ABCF2: variants seen among roughly 807,000 people sequenced by gnomAD.
ABCF2 encodes ATP-binding cassette sub-family F member 2.
Under a neutral mutation model 76.9 loss-of-function variants are expected in ABCF2, and 37 were observed. The observed-to-expected ratio is 0.48, with a 90% CI of 0.37 to 0.63. ABCF2 has a LOEUF of 0.63. Among genes scored for constraint, ABCF2 ranks in the 30% least tolerant of loss-of-function variants. ABCF2 has a pLI of 0.00. For missense variants in ABCF2, 524 were observed against 782.1 expected (o/e 0.67, Z 3.94); for synonymous variants, 299 against 283.7 (o/e 1.05, Z -0.54).
chr7:151,226,629 C>G, intron 1 of ABCF2, 129 bp from the exon 2 acceptor site: 1 of 687,778 alleles, frequency 1.5e-6, no homozygotes. Context: ...GCCCCCGCCT[C>G]GTCTGTTCCA....
chr7:151,219,735 T>C (rs1290785513), intron 7 of ABCF2, among the ~76,000 whole-genome samples: 4 of 152,244 alleles, frequency 2.6e-5, no homozygotes, highest in African/African-American at 9.6e-5. Context: ...GATTGATTTA[T>C]ATATACTCAC....
At chr7:151,216,555 C>T (rs796203997) in intron 11 of ABCF2, among the ~76,000 whole-genome samples, 5 of 152,304 alleles carry the variant, frequency 3.3e-5, no homozygotes, top group African/African-American at 1.2e-4. Context: ...GAGGGAGTCT[C>T]GCTCTGTTGC....
intron 10 of ABCF2, among the ~76,000 whole-genome samples, 168 bp downstream of exon 10, chr7:151,218,393 G>A: frequency 6.6e-6 from 1 of 152,080 alleles, no homozygotes; most frequent in South Asian, 2.1e-4. Context: ...TATACACGAA[G>A]AAAGGCCCGC....
intron 7 of ABCF2, among the ~76,000 whole-genome samples, chr7:151,220,524 G>A (rs1198078707): frequency 6.6e-6 from 1 of 152,062 alleles, no homozygotes; most frequent in Non-Finnish European, 1.5e-5. Context: ...CTATGACTAT[G>A]AATGAAGAGG....
At position 151,214,034 on chromosome 7, in the gene ABCF2, C is replaced by T. The variant is rs752000658; in HGVS notation, c.*20G>A. ...GTTAGTTCCCAGATGGAGCTCCTGACCCGAACCCAGGTAGAGGGCTCACAC... is the reference window on the plus strand; with the variant it reads ...GTTAGTTCCCAGATGGAGCTCCTGATCCGAACCCAGGTAGAGGGCTCACAC... On this transcript the variant is annotated 3_prime_UTR_variant, in exon 15 of 15. Coordinates refer to ENST00000287844, the MANE Select transcript of ABCF2 (RefSeq NM_007189.3). This position sits in a 1 kb window ranked among gnomAD's most constrained non-coding sequence, Gnocchi z 4.9. 3.7e-6 allele frequency: 6 copies of T among 1,611,624 alleles called. No homozygotes were observed. The Admixed American group carries it at 6.7e-5, about 18-fold the overall frequency.
rs1437837278 is a variant in ABCF2 at position 151,214,837 on chromosome 7, CT to C, written c.1734+41del. 3.1e-6 allele frequency: 5 copies of C among 1,602,098 alleles called. No homozygotes were observed. The African/African-American group carries it at 5.4e-5, about 17-fold the overall frequency. On this transcript the variant is annotated intron_variant, in intron 14 of 14. Transcript: ENST00000287844. The surrounding 1 kb of genome is among the most constrained non-coding windows in gnomAD (Gnocchi z 4.9). ...TGCCATGACTACCCTACCCAACCCC[CT>C]AGAAGCTCTGCTGTGCCTCACCCCC...
rs1272668738 is a variant in ABCF2 at position 151,221,621 on chromosome 7, G to A, written c.878C>T (p.Thr293Ile). Residue 293 changes from threonine to isoleucine, a missense_variant, in exon 7 of 15, where the codon ACC (threonine) becomes ATC (isoleucine). By Grantham distance (89) the Thr-to-Ile change is moderately conservative. Transcript: ENST00000287844. ...HSQDFLNGVCTNIIHMHNKKL... is the reference protein window; with the variant it reads ...HSQDFLNGVCINIIHMHNKKL... Reference sequence around the variant, plus strand: ...CTTGTTGTGCATGTGAATGATATTGGTACAGACACCATTCAGAAAATCCTG... The same window carrying A: ...CTTGTTGTGCATGTGAATGATATTGATACAGACACCATTCAGAAAATCCTG... 6.2e-6 allele frequency: 10 copies of A among 1,612,104 alleles called. No homozygotes were observed. The highest frequency in any genetic ancestry group is 8.5e-6 in the Non-Finnish European group (10 of 1,178,488).
intron 3 of ABCF2, 96 bp from the exon 4 acceptor site, chr7:151,224,210 ATTT>A (rs878980435): frequency 3.2e-5 from 32 of 997,822 alleles, no homozygotes; most frequent in Non-Finnish European, 3.9e-5. Flanking sequence ...GACCTCATCC[ATTT>A]TTTTTTTTTT....
Position 151,215,841 on chromosome 7 carries a change from A to C in ABCF2, c.1402-109T>G. ...CCAGGCACCTGTTCTGGGTTCAAGA[A>C]GCAGGTAGGAGCCACCTAGGCTGGA... is the stretch of plus-strand genomic sequence containing the variant. On this transcript the variant is annotated intron_variant, in intron 12 of 14. Transcript: ENST00000287844. The surrounding 1 kb of genome is among the most constrained non-coding windows in gnomAD (Gnocchi z 4.6). 3 of 1,590,052 alleles carry C rather than the reference A, an allele frequency of 1.9e-6. 1 individual carries two copies. The South Asian group carries it at 3.4e-5, about 18-fold the overall frequency.
chr7:151,219,122 AG>A lies in ABCF2; in HGVS notation c.958del (p.Leu320TrpfsTer6). ...AAACCTCTTCATCTGGTTCTCCTCC[AG>A]CTCTAGCCGCGTCTTCACGTACTGA... is the stretch of plus-strand genomic sequence containing the variant. ...YDQYVKTRLELEENQMKRFHW... is the reference protein window; with the variant it reads ...YDQYVKTRLEXEENQMKRFHW... On this transcript the variant is annotated frameshift_variant, in exon 8 of 15. Coordinates refer to ENST00000287844, the MANE Select transcript of ABCF2 (RefSeq NM_007189.3). 1 of 1,613,948 alleles carries A rather than the reference AG, an allele frequency of 6.2e-7. No homozygotes were observed. Among genetic ancestry groups the A allele is most frequent in the Non-Finnish European group, 8.5e-7 (1 of 1,180,008 alleles).
At position 151,219,133 on chromosome 7, in the gene ABCF2, C is replaced by G. The variant is rs765142469; in HGVS notation, c.948G>C (p.Thr316=). The G allele has an allele frequency of 6.2e-7, 1 of 1,614,016 alleles. No individual in the cohort carries two copies. Residue 316 remains threonine (T), a synonymous_variant, in exon 8 of 15, where the codon ACG becomes ACC. Coordinates refer to ENST00000287844, the MANE Select transcript of ABCF2 (RefSeq NM_007189.3). ...YTGNYDQYVK[T]RLELEENQMK... is the part of the protein sequence containing the mutation. ...TCTGGTTCTCCTCCAGCTCTAGCCG[C>G]GTCTTCACGTACTGATCATAATTAC... is the stretch of plus-strand genomic sequence containing the variant.
intron 3 of ABCF2, 40 bp from the exon 4 acceptor site, chr7:151,224,154 C>A (rs1415941876): frequency 4.9e-5 from 79 of 1,598,418 alleles, no homozygotes; most frequent in Non-Finnish European, 6.7e-5. Flanking sequence ...ACAGTGAACT[C>A]CCCTATCCCT....
chr7:151,223,784 T>C lies in ABCF2; in HGVS notation c.616A>G (p.Met206Val). 6.2e-7 allele frequency: 1 copy of C among 1,613,958 alleles called. No homozygotes were observed. Among genetic ancestry groups the C allele is most frequent in the Non-Finnish European group, 8.5e-7 (1 of 1,179,928 alleles). Residue 206 changes from methionine to valine, a missense_variant, in exon 5 of 15, where the codon ATG becomes GTG. Physicochemically the swap from Met to Val is conservative, Grantham distance 21. Around this residue, in one of 2 missense-constraint regions of ABCF2, gnomAD observed 330 missense variants for 433.6 expected, o/e 0.76. Coordinates refer to ENST00000287844, the MANE Select transcript of ABCF2 (RefSeq NM_007189.3). ...CCATGCAAGATCCGCGAGGCCCTCA[T>C]CTCTGCCTTGTCGGCATCCAGCTCC... ...LEELDADKAE[M>V]RASRILHGLG...
In ABCF2 at chr7:151,224,793, A is replaced by T. The variant is rs958516290; in HGVS notation, c.350T>A (p.Ile117Asn). The T allele has an allele frequency of 8.7e-6, 14 of 1,614,138 alleles. No homozygotes were observed. Among genetic ancestry groups the T allele is most frequent in the Non-Finnish European group, 1.2e-5 (14 of 1,179,990 alleles). ...ELNSGRRYGL[I>N]GLNGIGKSML... ...GGCCTCACCAATTCCATTTAAACCA[A>T]TGAGGCCATAACGACGGCCTGAGTT... is the stretch of plus-strand genomic sequence containing the variant. The change falls in exon 3 of 15, where the codon ATT (isoleucine) becomes AAT (asparagine). Residue 117 changes from isoleucine (I) to asparagine (N), a missense_variant. This residue lies in a region of ABCF2 where 330 missense variants were observed against 433.6 expected (regional missense o/e 0.76). Coordinates refer to ENST00000287844, the MANE Select transcript of ABCF2 (RefSeq NM_007189.3).
At chr7:151,219,229 G>T (rs1802217787) in intron 7 of ABCF2, 70 bp from the exon 8 acceptor site, 2 of 1,364,312 alleles carry the variant, frequency 1.5e-6, no homozygotes, top group African/African-American at 1.4e-5. Flanking sequence ...CTCACTCAGA[G>T]TTTAGGGGGA....
At position 151,224,024 on chromosome 7, in the gene ABCF2, G is replaced by A; in HGVS notation, c.458C>T (p.Pro153Leu). The change falls in exon 4 of 15, where the codon CCT becomes CTT. Residue 153 changes from proline (P) to leucine (L), a missense_variant. Pro to Leu is a moderately conservative substitution (Grantham distance 98, BLOSUM62 -3). Transcript: ENST00000287844. ...ACAATGCAAGGGTGTCTTGTCACTA[G>A]GGGGCATCTCTCGAGTCAGATGGTA... Reference protein sequence around the residue: ...DIYHLTREMPPSDKTPLHCVM... With the variant: ...DIYHLTREMPLSDKTPLHCVM... 1 of 1,614,166 alleles carries A rather than the reference G, an allele frequency of 6.2e-7. No individual in the cohort carries two copies. The highest frequency in any genetic ancestry group is 8.5e-7 in the Non-Finnish European group (1 of 1,180,008).
intron 5 of ABCF2, 44 bp downstream of exon 5, chr7:151,223,634 G>A: frequency 6.5e-7 from 1 of 1,544,610 alleles, no homozygotes. Context: ...AAACACTGGA[G>A]AGATGGGGGA....
intron 5 of ABCF2, 31 bp from the exon 6 acceptor site, chr7:151,222,647 T>G: frequency 6.3e-7 from 1 of 1,575,594 alleles, no homozygotes; most frequent in South Asian, 1.1e-5. Flanking sequence ...CAGAAGCACC[T>G]CAGAATTATA....
Position 151,224,037 on chromosome 7 carries a change from G to A in ABCF2, c.445C>T (p.Arg149Ter). 3.1e-6 allele frequency: 5 copies of A among 1,614,128 alleles called. No homozygotes were observed. The highest frequency in any genetic ancestry group is 1.3e-5 in the African/African-American group (1 of 75,030). ...GTCTTGTCACTAGGGGGCATCTCTC[G>A]AGTCAGATGGTAGATGTCGATGTGC... is the stretch of plus-strand genomic sequence containing the variant. ...PEHIDIYHLT[R>*]EMPPSDKTPL... Residue 149 changes from arginine (R) to a stop codon, truncating the protein, a stop_gained, in exon 4 of 15, where the codon CGA becomes TGA. Coordinates refer to ENST00000287844, the MANE Select transcript of ABCF2 (RefSeq NM_007189.3). LOFTEE classifies it high-confidence loss of function.
Sources: gnomAD v4.1 joint callset for allele counts (sites outside exome capture counted in the v4.1 genomes callset) on GRCh38, gnomAD v4.1.1 for gene constraint, gnomAD v4.1.1 regional missense constraint, Gnocchi (gnomAD v3.1) non-coding constraint, MANE v1.5 for transcripts, NCBI Gene and HGNC (gene_info 2026-07-23, HGNC 2026-07-21) for gene names.